The following FAF1 variants were observed in gnomAD, a reference collection of about 807,000 sequenced individuals.
FAF1 encodes Fas associated factor 1, also known as FAS-associated factor 1.
A neutral mutation model predicts 92.5 loss-of-function variants in FAF1; 25 were observed. The observed-to-expected ratio is 0.27, with a 90% CI of 0.20 to 0.38. The LOEUF is 0.38. Among genes scored for constraint, FAF1 ranks in the 10% least tolerant of loss-of-function variants. FAF1 has a pLI of 1.00. For synonymous variants in FAF1, 234 were observed against 273.2 expected (o/e 0.86, Z 1.42); for missense variants, 636 against 793.3 (o/e 0.80, Z 2.38).
chr1:50,707,777 A>T (rs544206452), intron 6 of FAF1, among the ~76,000 whole-genome samples: 1 of 152,344 alleles, frequency 6.6e-6, no homozygotes, highest in South Asian at 2.1e-4. Flanking sequence ...GGCACACTAC[A>T]GATATTTATT....
chr1:50,509,309 T>C (rs887890101), intron 15 of FAF1, among the ~76,000 whole-genome samples: 4 of 152,108 alleles, frequency 2.6e-5, no homozygotes, highest in African/African-American at 7.2e-5. Context: ...AATGTTAAAA[T>C]TGGCACTCAA....
At chr1:50,449,489 C>CTTTTTTTTTTT (rs373425527) in intron 18 of FAF1, among the ~76,000 whole-genome samples, 2 of 124,586 alleles carry the variant, frequency 1.6e-5, no homozygotes, top group Non-Finnish European at 1.7e-5. Context: ...CTTTTTCTTT[C>CTTTTTTTTTTT]TTTTTTTTTT....
intron 1 of FAF1, among the ~76,000 whole-genome samples, chr1:50,934,418 A>G (rs1165126667): frequency 1.3e-5 from 2 of 152,162 alleles, no homozygotes; most frequent in Non-Finnish European, 2.9e-5. Flanking sequence ...ATCTTCTCAT[A>G]TTTGATCATA....
At chr1:50,561,763 T>C (rs1376079557) in intron 13 of FAF1, among the ~76,000 whole-genome samples, 1 of 151,506 alleles carries the variant, frequency 6.6e-6, no homozygotes, top group Admixed American at 6.6e-5. Context: ...GAGGTGGAGG[T>C]TGCAGTGAGC....
chr1:50,851,625 A>G lies in FAF1; in HGVS notation c.114+6304T>C, dbSNP rs1172059563. On this transcript the variant is annotated intron_variant, in intron 2 of 18. Transcript: ENST00000396153. ...CACCAGCGTGTTCTGCTAGATGATT[A>G]ACACAGCACATTTTTACTGGGTCCT... Among the ~76,000 whole-genome samples, 10 of 152,326 alleles carry G rather than the reference A, an allele frequency of 6.6e-5. No homozygotes were observed. In the East Asian group the frequency reaches 1.9e-3, roughly 29 times the overall value.
intron 4 of FAF1, 21 bp from the exon 5 acceptor site, chr1:50,744,796 C>A (rs1659521455): frequency 1.5e-6 from 2 of 1,355,764 alleles, no homozygotes; most frequent in South Asian, 1.2e-5. Context: ...AAGAAGAGAT[C>A]AAATATTACT....
intron 7 of FAF1, among the ~76,000 whole-genome samples, chr1:50,692,856 T>C (rs979697256): frequency 1.4e-4 from 21 of 152,224 alleles, no homozygotes; most frequent in African/African-American, 5.1e-4. Flanking sequence ...TATTGGCTGT[T>C]TGCATATCTT....
intron 18 of FAF1, among the ~76,000 whole-genome samples, chr1:50,452,807 C>G (rs2148981362): frequency 6.6e-6 from 1 of 152,334 alleles, no homozygotes; most frequent in Non-Finnish European, 1.5e-5. Context: ...GGATTTAAAT[C>G]TTAGCACTGC....
At chr1:50,803,836 C>T (rs1050554283) in intron 2 of FAF1, among the ~76,000 whole-genome samples, 2 of 151,948 alleles carry the variant, frequency 1.3e-5, no homozygotes, top group African/African-American at 4.8e-5. Flanking sequence ...ATCTTATGTA[C>T]AGCAAACTCT....
intron 3 of FAF1, among the ~76,000 whole-genome samples, chr1:50,793,350 G>A (rs942870733): frequency 6.6e-6 from 1 of 152,102 alleles, no homozygotes; most frequent in Non-Finnish European, 1.5e-5. Flanking sequence ...CAGATTTTTA[G>A]GAGATTACTA....
chr1:50,911,413 T>C (rs1443789157), intron 1 of FAF1, among the ~76,000 whole-genome samples: 2 of 149,748 alleles, frequency 1.3e-5, no homozygotes, highest in African/African-American at 4.9e-5. Context: ...AACTTCTTCC[T>C]GGCTGGGCGC....
At chr1:50,563,326 A>G (rs1650020346) in intron 13 of FAF1, among the ~76,000 whole-genome samples, 1 of 152,108 alleles carries the variant, frequency 6.6e-6, no homozygotes, top group Non-Finnish European at 1.5e-5. Flanking sequence ...AGCTACTCAG[A>G]AGGCTGAGAC....
At chr1:50,911,002 C>G (rs1357262906) in intron 1 of FAF1, among the ~76,000 whole-genome samples, 1 of 152,102 alleles carries the variant, frequency 6.6e-6, no homozygotes, top group Admixed American at 6.5e-5. Flanking sequence ...ATTTGGCCAT[C>G]TTGGAACCTC....
At chr1:50,765,409 C>T (rs1384887191) in intron 4 of FAF1, among the ~76,000 whole-genome samples, 2 of 151,972 alleles carry the variant, frequency 1.3e-5, no homozygotes, top group Non-Finnish European at 2.9e-5. Context: ...GAATTTATTC[C>T]TTAATTTATA....
Position 50,649,785 on chromosome 1 carries a change from CAAAAAAA to C in FAF1, c.744+5650_744+5656del, listed in dbSNP as rs535636319. On this transcript the variant is annotated intron_variant, in intron 8 of 18. Transcript: ENST00000396153. ...TGAAACCGCGTCTCTACTAAAACTACAAAAAAAAAAAAAAAAGAAAAAGAAAAAAATT... is the reference window on the plus strand; with the variant it reads ...TGAAACCGCGTCTCTACTAAAACTACAAAAAAAAAGAAAAAGAAAAAAATT... 8.2e-4 allele frequency among the ~76,000 whole-genome samples: 60 copies of C among 72,952 alleles called. 1 individual carries two copies. The highest frequency in any genetic ancestry group is 6.4e-4 in the Admixed American group (4 of 6,242). The allele number at this position is 72,952 out of a possible 152,430, so 47.9% of individuals were successfully genotyped here. A position where few individuals can be genotyped will look rare whatever the true frequency, so the allele number is the denominator to read the frequency against.
intron 6 of FAF1, among the ~76,000 whole-genome samples, chr1:50,713,742 C>T (rs534696560): frequency 6.6e-6 from 1 of 150,724 alleles, no homozygotes; most frequent in African/African-American, 2.4e-5. Flanking sequence ...AGATTACAAC[C>T]GTAAGTCACT....
At chr1:50,624,564 G>GA (rs1236594203) in intron 8 of FAF1, among the ~76,000 whole-genome samples, 2 of 151,994 alleles carry the variant, frequency 1.3e-5, no homozygotes, top group East Asian at 3.9e-4. Flanking sequence ...AAGCAGATAT[G>GA]AAAAAAATGA....
chr1:50,501,434 G>A (rs1646982813), intron 15 of FAF1, among the ~76,000 whole-genome samples: 1 of 152,164 alleles, frequency 6.6e-6, no homozygotes, highest in Admixed American at 6.5e-5. Context: ...GAAGGCCAAG[G>A]CAGGCGGATC....
intron 1 of FAF1, among the ~76,000 whole-genome samples, chr1:50,909,339 G>A (rs998161881): frequency 1.3e-5 from 2 of 152,136 alleles, no homozygotes; most frequent in African/African-American, 4.8e-5. Context: ...TGGTGAATCT[G>A]ACAATTATGT....
Sources: gnomAD v4.1 joint callset for allele counts (sites outside exome capture counted in the v4.1 genomes callset) on GRCh38, gnomAD v4.1.1 for gene constraint, MANE v1.5 for transcripts, NCBI Gene and HGNC (gene_info 2026-07-23, HGNC 2026-07-21) for gene names.